WDHD1: variants seen among roughly 807,000 people sequenced by gnomAD.
The protein encoded by WDHD1 is WD repeat and HMG-box DNA-binding protein 1.
A neutral mutation model predicts 135.4 loss-of-function variants in WDHD1; 111 were observed. That is an observed-to-expected ratio of 0.82 (90% CI 0.70 to 0.96). The LOEUF (loss-of-function observed/expected upper bound fraction) is 0.96, where lower values mean the gene tolerates loss of function less well. Among genes scored for constraint, WDHD1 ranks in the 40% least tolerant of loss-of-function variants. WDHD1 has a pLI of 0.00. For missense variants in WDHD1, 1,351 were observed against 1,336.3 expected, an observed-to-expected ratio of 1.01 and a Z score of -0.17; for synonymous variants, 434 against 439.0, an observed-to-expected ratio of 0.99 and a Z score of 0.14.
intron 6 of WDHD1, 99 bp downstream of exon 6, chr14:55,008,216 TC>T: frequency 1.7e-6 from 2 of 1,194,426 alleles, no homozygotes; most frequent in Non-Finnish European, 2.4e-6. Flanking sequence ...AGAAACAAAT[TC>T]CAAAGAAAAG....
chr14:55,007,591 T>C (rs148857416), intron 6 of WDHD1, among the ~76,000 whole-genome samples: 1 of 152,310 alleles, frequency 6.6e-6, no homozygotes, highest in Non-Finnish European at 1.5e-5. Flanking sequence ...GAGTATTTTC[T>C]GTGCAGAATA....
intron 2 of WDHD1, among the ~76,000 whole-genome samples, chr14:55,021,063 G>C (rs938237672): frequency 2.0e-5 from 3 of 152,236 alleles, no homozygotes; most frequent in East Asian, 1.9e-4. Context: ...GAGGAGGCAG[G>C]AGAGGCAGGC....
chr14:54,957,491 T>C, intron 22 of WDHD1, 101 bp downstream of exon 22: 1 of 1,103,948 alleles, frequency 9.1e-7, no homozygotes, highest in Non-Finnish European at 1.3e-6. Context: ...GATCAGTCTT[T>C]CATGCCTCCA....
chr14:54,985,647 G>T (rs562812362), intron 14 of WDHD1, among the ~76,000 whole-genome samples: 19 of 152,336 alleles, frequency 1.2e-4, no homozygotes, highest in African/African-American at 4.6e-4. Context: ...CACCTAGGCT[G>T]CTCTGTGGAG....
chr14:54,997,347 C>T (rs2041899050), intron 10 of WDHD1, among the ~76,000 whole-genome samples: 1 of 152,088 alleles, frequency 6.6e-6, no homozygotes, highest in Admixed American at 6.5e-5. Context: ...AAACCCACCT[C>T]GGCCTCCAAA....
At chr14:54,982,016 T>A (rs1036633618) in intron 15 of WDHD1, among the ~76,000 whole-genome samples, 19 of 150,916 alleles carry the variant, frequency 1.3e-4, no homozygotes, top group African/African-American at 4.6e-4. Context: ...TTATTATTAT[T>A]TTTTTTTTCG....
At chr14:54,965,262 A>G (rs1359665295) in intron 18 of WDHD1, among the ~76,000 whole-genome samples, 1 of 152,234 alleles carries the variant, frequency 6.6e-6, no homozygotes, top group Admixed American at 6.5e-5. Context: ...TAAAGAAGAA[A>G]TGATACTATA....
intron 20 of WDHD1, 70 bp from the exon 21 acceptor site, chr14:54,962,621 G>C: frequency 6.6e-7 from 1 of 1,521,696 alleles, no homozygotes. Context: ...ACAACAACCA[G>C]ATAGCAAAGA....
intron 24 of WDHD1, among the ~76,000 whole-genome samples, chr14:54,953,873 C>CA (rs1555365965): frequency 1.3e-5 from 2 of 151,910 alleles, no homozygotes; most frequent in Non-Finnish European, 2.9e-5. Flanking sequence ...ATCTCAAGGA[C>CA]AAAAAACCAA....
At chr14:55,005,628 C>A in intron 7 of WDHD1, 1 of 592,098 alleles carries the variant, frequency 1.7e-6, no homozygotes, top group South Asian at 1.4e-5. Context: ...TGGGTTCCTC[C>A]TGCAAGGAAC....
intron 11 of WDHD1, among the ~76,000 whole-genome samples, chr14:54,992,197 CA>C (rs141675860): frequency 0.031 from 4,528 of 144,950 alleles, 214 homozygotes; most frequent in African/African-American, 0.11. Flanking sequence ...GACTCCGTCT[CA>C]AAAAAAAAAG....
At chr14:54,989,250 A>T in intron 12 of WDHD1, 38 bp from the exon 13 acceptor site, 3 of 1,513,954 alleles carry the variant, frequency 2.0e-6, no homozygotes, top group Non-Finnish European at 2.7e-6. Context: ...TCTGAGAAAA[A>T]CTGAAGCTCC....
intron 18 of WDHD1, among the ~76,000 whole-genome samples, chr14:54,963,654 G>C (rs574308714): frequency 1.3e-5 from 2 of 152,202 alleles, no homozygotes; most frequent in African/African-American, 4.8e-5. Context: ...AACACAATTA[G>C]CCAGGCGTGG....
intron 2 of WDHD1, among the ~76,000 whole-genome samples, chr14:55,016,927 G>A (rs2042270347): frequency 6.6e-6 from 1 of 152,122 alleles, no homozygotes. Context: ...GGGTGGTATG[G>A]CCATAGACAG....
At chr14:54,996,087 A>G (rs1234048453) in intron 10 of WDHD1, among the ~76,000 whole-genome samples, 2 of 152,216 alleles carry the variant, frequency 1.3e-5, no homozygotes, top group Admixed American at 1.3e-4. Context: ...AAAATATAAA[A>G]TAAGATTTTA....
chr14:55,024,110 T>A (rs567882352), intron 2 of WDHD1, among the ~76,000 whole-genome samples: 18 of 152,350 alleles, frequency 1.2e-4, no homozygotes, highest in African/African-American at 4.3e-4. Context: ...TTCTAATATG[T>A]GTATTGAAAA....
At chr14:55,021,962 T>C (rs925509777) in intron 2 of WDHD1, among the ~76,000 whole-genome samples, 1 of 152,196 alleles carries the variant, frequency 6.6e-6, no homozygotes, top group South Asian at 2.1e-4. Flanking sequence ...TTCTCTTCCA[T>C]AGCAATGACA....
intron 2 of WDHD1, among the ~76,000 whole-genome samples, chr14:55,019,696 T>C (rs2042314033): frequency 6.6e-6 from 1 of 152,070 alleles, no homozygotes; most frequent in South Asian, 2.1e-4. Context: ...TGACGAAACC[T>C]TGTCTCTACT....
At chr14:54,945,581 C>T (rs2040909256) in intron 24 of WDHD1, among the ~76,000 whole-genome samples, 1 of 152,116 alleles carries the variant, frequency 6.6e-6, no homozygotes, top group South Asian at 2.1e-4. Flanking sequence ...AGCTCTTTCC[C>T]CTATGCTGGA....
Sources: allele counts gnomAD v4.1 joint callset (sites outside exome capture counted in the v4.1 genomes callset), GRCh38; gene constraint gnomAD v4.1.1; transcripts MANE v1.5; gene names NCBI Gene and HGNC (gene_info 2026-07-23, HGNC 2026-07-21).